NAMPT: variants seen among roughly 807,000 people sequenced by gnomAD.
NAMPT encodes the protein NAmPRTase.
Under a neutral mutation model 58.7 loss-of-function variants are expected in NAMPT, and 7 were observed. That is an observed-to-expected ratio of 0.12 (90% CI 0.07 to 0.22). The LOEUF (loss-of-function observed/expected upper bound fraction) is 0.22, where lower values mean the gene tolerates loss of function less well. Among genes scored for constraint, NAMPT ranks in the 10% least tolerant of loss-of-function variants. NAMPT has a pLI of 1.00. For missense variants in NAMPT, 271 were observed against 567.9 expected, an observed-to-expected ratio of 0.48 and a Z score of 5.31; for synonymous variants, 145 against 198.1, an observed-to-expected ratio of 0.73 and a Z score of 2.25.
intron 4 of NAMPT, among the ~76,000 whole-genome samples, chr7:106,269,517 A>G (rs999945422): frequency 6.6e-6 from 1 of 152,194 alleles, no homozygotes; most frequent in African/African-American, 2.4e-5. Context: ...CAAAGAAGAT[A>G]AGCACACCAG....
chr7:106,266,739 CCT>C (rs1192208033), intron 6 of NAMPT, among the ~76,000 whole-genome samples: 1 of 152,116 alleles, frequency 6.6e-6, no homozygotes, highest in Non-Finnish European at 1.5e-5. Flanking sequence ...TCTGATTTTT[CCT>C]TTTTTCAATC....
intron 10 of NAMPT, among the ~76,000 whole-genome samples, chr7:106,252,112 G>T (rs1186501564): frequency 6.6e-6 from 1 of 152,054 alleles, no homozygotes; most frequent in Non-Finnish European, 1.5e-5. Flanking sequence ...TTATTTTCTA[G>T]TTTATTCTAC....
intron 1 of NAMPT, among the ~76,000 whole-genome samples, chr7:106,282,758 G>A (rs896453661): frequency 2.0e-5 from 3 of 152,096 alleles, no homozygotes; most frequent in Admixed American, 1.3e-4. Flanking sequence ...TCTTTCTTCA[G>A]TTTTAGAAAG....
rs1029661448 is a variant in NAMPT at position 106,249,732 on chromosome 7, T to C, written c.*1351A>G. On this transcript the variant is annotated 3_prime_UTR_variant, in exon 11 of 11. Transcript: ENST00000222553. ...AGCAGCCATAGACAATCTGCATTTA[T>C]AAAAAGAAGTCCAAATTTGGCCTTT... is the stretch of plus-strand genomic sequence containing the variant. 1 of 152,042 alleles carries C rather than the reference T, an allele frequency of 6.6e-6. No homozygotes were observed. The highest frequency in any genetic ancestry group is 1.5e-5 in the Non-Finnish European group (1 of 67,948). The allele number at this position is 152,042 out of a possible 1,614,324, so 9.4% of individuals were successfully genotyped here. A position where few individuals can be genotyped will look rare whatever the true frequency, so the allele number is the denominator to read the frequency against.
At chr7:106,271,150 T>TGG (rs1458614471) in intron 4 of NAMPT, among the ~76,000 whole-genome samples, 2 of 152,108 alleles carry the variant, frequency 1.3e-5, no homozygotes, top group Admixed American at 1.3e-4. Flanking sequence ...CTACTGTCCA[T>TGG]GGGGCGGAGG....
intron 3 of NAMPT, among the ~76,000 whole-genome samples, chr7:106,272,921 C>CA (rs1306764806): frequency 6.6e-6 from 1 of 152,226 alleles, no homozygotes; most frequent in South Asian, 2.1e-4. Context: ...CTACAAGTGG[C>CA]AGAAAATTCC....
upstream of NAMPT, chr7:106,285,565 A>G: frequency 1.0e-6 from 1 of 985,844 alleles, no homozygotes. Flanking sequence ...TGGATTAAGG[A>G]TCCAGCCTTT....
chr7:106,284,965 C>A lies in NAMPT; in HGVS notation c.-81G>T. ...AAGGAGAAAAATGAGCTTCACCGCG[C>A]TCCGTTGCTTAAGTCACTGCTCGGT... On this transcript the variant is annotated 5_prime_UTR_variant, in exon 1 of 11. Coordinates refer to ENST00000222553, the MANE Select transcript of NAMPT (RefSeq NM_005746.3). 1 of 1,534,702 alleles carries A rather than the reference C, an allele frequency of 6.5e-7. No homozygotes were observed. The highest frequency in any genetic ancestry group is 1.2e-5 in the South Asian group (1 of 83,136).
intron 8 of NAMPT, among the ~76,000 whole-genome samples, chr7:106,261,026 A>G (rs973574834): frequency 1.4e-4 from 21 of 152,240 alleles, no homozygotes; most frequent in African/African-American, 4.6e-4. Context: ...AAATAGCACC[A>G]ACAGACTTGC....
At chr7:106,255,656 T>A (rs1033062012) in intron 8 of NAMPT, among the ~76,000 whole-genome samples, 4 of 152,200 alleles carry the variant, frequency 2.6e-5, no homozygotes, top group African/African-American at 9.6e-5. Context: ...AGAATCAAGA[T>A]GAAAACATAT....
rs771710325 is a variant in NAMPT, at chr7:106,269,316, T to C, written c.448-4A>G. 6.2e-7 allele frequency: 1 copy of C among 1,611,238 alleles called. No homozygotes were observed. Among genetic ancestry groups the C allele is most frequent in the Non-Finnish European group, 8.5e-7 (1 of 1,178,306 alleles). On this transcript the variant is annotated splice_polypyrimidine_tract_variant and splice_region_variant and intron_variant, in intron 4 of 10. Coordinates refer to ENST00000222553, the MANE Select transcript of NAMPT (RefSeq NM_005746.3). ...ACCAGGACTGAACAAGAATAGTCTG[T>C]AGTAACAAAATTAACCACAAATATT...
intron 8 of NAMPT, among the ~76,000 whole-genome samples, chr7:106,257,568 C>T (rs1036007917): frequency 6.6e-6 from 1 of 150,896 alleles, no homozygotes; most frequent in Admixed American, 6.6e-5. Context: ...GAGGTTGAGG[C>T]TGCAGTGAGC....
rs764767157 is a variant in NAMPT, at chr7:106,268,500, G to C, written c.707C>G (p.Pro236Arg). 75 of 1,613,784 alleles carry C rather than the reference G, an allele frequency of 4.6e-5. 1 individual carries two copies. In the South Asian group the frequency reaches 7.7e-4, roughly 17 times the overall value. Residue 236 changes from proline (P) to arginine (R), a missense_variant, in exon 6 of 11, where the codon CCT (proline) becomes CGT (arginine). By Grantham distance (103) the Pro-to-Arg change is moderately radical (BLOSUM62 -2). Transcript: ENST00000222553. Reference sequence around the variant, plus strand: ...TGCTGGAACAGAATAGCCTGGAACAGGATCTTTCGTTCCATAATATTTTTT... The same window carrying C: ...TGCTGGAACAGAATAGCCTGGAACACGATCTTTCGTTCCATAATATTTTTT... ...LIKKYYGTKDPVPGYSVPAAE... is the reference protein window; with the variant it reads ...LIKKYYGTKDRVPGYSVPAAE...
intron 6 of NAMPT, among the ~76,000 whole-genome samples, chr7:106,267,105 G>A (rs1792428803): frequency 1.3e-5 from 2 of 152,106 alleles, no homozygotes; most frequent in Non-Finnish European, 2.9e-5. Flanking sequence ...GCCCAATGTT[G>A]GCTATTAAAT....
At chr7:106,284,777 CGT>C in intron 1 of NAMPT, 49 bp downstream of exon 1, 1 of 1,404,366 alleles carries the variant, frequency 7.1e-7, no homozygotes, top group East Asian at 3.1e-5. Flanking sequence ...GCCGCGCGCT[CGT>C]CCCCAGCGCG....
At chr7:106,255,161 A>T (rs561287850) in intron 8 of NAMPT, among the ~76,000 whole-genome samples, 1 of 152,328 alleles carries the variant, frequency 6.6e-6, no homozygotes, top group South Asian at 2.1e-4. Context: ...AGCTAGAGAG[A>T]CCTGTATGAA....
At chr7:106,275,111 G>A in intron 2 of NAMPT, 62 bp from the exon 3 acceptor site, 3 of 1,010,268 alleles carry the variant, frequency 3.0e-6, no homozygotes, top group Non-Finnish European at 4.6e-6. Context: ...TTGCTGAACT[G>A]TCACAGACTT....
chr7:106,261,471 AC>A (rs772896296), intron 8 of NAMPT, 116 bp downstream of exon 8: 66 of 843,318 alleles, frequency 7.8e-5, no homozygotes, highest in Non-Finnish European at 1.1e-4. Flanking sequence ...AGAGATTTAT[AC>A]CAACATAAAC....
At chr7:106,266,311 A>G (rs974036308) in intron 6 of NAMPT, among the ~76,000 whole-genome samples, 3 of 152,234 alleles carry the variant, frequency 2.0e-5, no homozygotes, top group African/African-American at 7.2e-5. Context: ...TTTCATTTTA[A>G]CAAGTCCTAA....
Sources: gnomAD v4.1 joint callset for allele counts (sites outside exome capture counted in the v4.1 genomes callset) on GRCh38, gnomAD v4.1.1 for gene constraint, MANE v1.5 for transcripts, NCBI Gene and HGNC (gene_info 2026-07-23, HGNC 2026-07-21) for gene names.